Variants in UTRN observed in about 807,000 individuals in gnomAD.
The protein encoded by UTRN is dystrophin-related protein 1.
A neutral mutation model predicts 463.9 loss-of-function variants in UTRN; 283 were observed. That is an observed-to-expected ratio of 0.61 (90% CI 0.55 to 0.67). The LOEUF (loss-of-function observed/expected upper bound fraction) is 0.67. Among genes scored for constraint, UTRN ranks in the 30% least tolerant of loss-of-function variants. The pLI is 0.00. For synonymous variants in UTRN, 1,442 were observed against 1,431.5 expected (o/e 1.01, Z -0.17); for missense variants, 3,922 against 4,084.3 (o/e 0.96, Z 1.08).
chr6:144,385,525 A>G (rs977284157), intron 2 of UTRN, among the ~76,000 whole-genome samples: 3 of 152,222 alleles, frequency 2.0e-5, no homozygotes, highest in African/African-American at 7.2e-5. Flanking sequence ...TTTGATGCTT[A>G]AAAGACCAGC....
chr6:144,817,130 AGGCT>A (rs769130296), intron 65 of UTRN, among the ~76,000 whole-genome samples: 10 of 152,162 alleles, frequency 6.6e-5, no homozygotes, highest in Admixed American at 3.9e-4. Context: ...AGTCCATCAA[AGGCT>A]TAGTGTGAGT....
intron 51 of UTRN, among the ~76,000 whole-genome samples, chr6:144,668,659 G>C (rs1201804102): frequency 6.6e-6 from 1 of 152,138 alleles, no homozygotes; most frequent in Non-Finnish European, 1.5e-5. Flanking sequence ...GTCTTCACCT[G>C]ATGGCAAGGG....
At chr6:144,326,083 A>G (rs994723479) in intron 2 of UTRN, among the ~76,000 whole-genome samples, 1 of 152,216 alleles carries the variant, frequency 6.6e-6, no homozygotes, top group Non-Finnish European at 1.5e-5. Flanking sequence ...GAAACAGATA[A>G]CAGAGGAAAG....
intron 53 of UTRN, among the ~76,000 whole-genome samples, chr6:144,717,928 C>T (rs1786688700): frequency 6.6e-6 from 1 of 152,078 alleles, no homozygotes; most frequent in Non-Finnish European, 1.5e-5. Context: ...AGCCACTGTG[C>T]CCAGCCTGAG....
chr6:144,462,191 C>T (rs1044015464), intron 22 of UTRN, among the ~76,000 whole-genome samples: 7 of 151,950 alleles, frequency 4.6e-5, no homozygotes, highest in African/African-American at 9.7e-5. Context: ...ATTAGTTTGC[C>T]GAGGATAATG....
At chr6:144,549,931 C>T (rs1798754584) in intron 47 of UTRN, among the ~76,000 whole-genome samples, 1 of 152,192 alleles carries the variant, frequency 6.6e-6, no homozygotes, top group Non-Finnish European at 1.5e-5. Flanking sequence ...CATCTTCCTT[C>T]CCATTTCTTT....
In UTRN at chr6:144,610,879, A is replaced by AAAACC. The variant is rs150533802; in HGVS notation, c.7479+33610_7479+33614dup. Reference sequence around the variant, plus strand: ...GACAAGAGCAAGACTTTGTTTCAAAAAAACCAAACCAAACCAAACCAAAAC... The same window carrying AAAACC: ...GACAAGAGCAAGACTTTGTTTCAAAAAAACCAAACCAAACCAAACCAAACCAAAAC... On this transcript the variant is annotated intron_variant, in intron 51 of 74. Transcript: ENST00000367545. Among the ~76,000 whole-genome samples the AAAACC allele has an allele frequency of 2.5e-3, 386 of 152,338 alleles. 12 individuals are homozygous for AAAACC. In the East Asian group the frequency reaches 0.057, roughly 23 times the overall value.
rs574446362 is a variant in UTRN, at chr6:144,313,028, A to C, written c.79+21121A>C. ...AGTTGGTGGGTGATGGAGGGTGGGAAGGTGGCTCCGCTTCATATGGTCTCT... is the reference window on the plus strand; with the variant it reads ...AGTTGGTGGGTGATGGAGGGTGGGACGGTGGCTCCGCTTCATATGGTCTCT... On this transcript the variant is annotated intron_variant, in intron 2 of 74. Transcript: ENST00000367545. Among the ~76,000 whole-genome samples, 3 of 152,268 alleles carry C rather than the reference A, an allele frequency of 2.0e-5. No homozygotes were observed. In the East Asian group the frequency reaches 5.8e-4, roughly 29 times the overall value.
Position 144,774,275 on chromosome 6 carries a change from C to A in UTRN, c.8558-15C>A, listed in dbSNP as rs760540453. The stretch of plus-strand genomic sequence containing the variant: ...TAATAAGCCTATCTTCAAATTGTTT[C>A]TTTTTCTATTTCAGCTGACCTGAAT... On this transcript the variant is annotated splice_polypyrimidine_tract_variant and intron_variant, in intron 59 of 74. Transcript: ENST00000367545. The A allele has an allele frequency of 1.9e-6, 3 of 1,592,532 alleles. No homozygotes were observed. The highest frequency in any genetic ancestry group is 2.6e-6 in the Non-Finnish European group (3 of 1,173,236).
rs192174829 is a variant in UTRN at position 144,740,218 on chromosome 6, C to T, written c.7940-8028C>T. Among the ~76,000 whole-genome samples the T allele has an allele frequency of 1.3e-3, 199 of 152,248 alleles. 2 individuals carry two copies. The highest frequency in any genetic ancestry group is 3.9e-4 in the East Asian group (2 of 5,188). On this transcript the variant is annotated intron_variant, in intron 54 of 74. Coordinates refer to ENST00000367545, the MANE Select transcript of UTRN (RefSeq NM_007124.3). ...ATAGTGTACTATCTTAAACTACTTC[C>T]GTAATAATTAGTATTTGTAGCTATT...
chr6:144,820,758 A>G, intron 65 of UTRN, 124 bp from the exon 66 acceptor site: 1 of 1,208,154 alleles, frequency 8.3e-7, no homozygotes, highest in African/African-American at 1.5e-5. Flanking sequence ...TATTTCAAAA[A>G]TGCATAAAAC....
intron 54 of UTRN, among the ~76,000 whole-genome samples, chr6:144,736,889 T>G (rs1490843441): frequency 6.6e-6 from 1 of 152,206 alleles, no homozygotes; most frequent in Non-Finnish European, 1.5e-5. Context: ...CCCAGTTTTC[T>G]GCCTGTAGGT....
At chr6:144,574,860 G>A (rs536934238) in intron 50 of UTRN, among the ~76,000 whole-genome samples, 1 of 152,234 alleles carries the variant, frequency 6.6e-6, no homozygotes, top group East Asian at 1.9e-4. Flanking sequence ...GAGACTACAG[G>A]CATGAGCCAC....
chr6:144,728,218 G>T (rs1326522608), intron 53 of UTRN, among the ~76,000 whole-genome samples: 1 of 151,646 alleles, frequency 6.6e-6, no homozygotes, highest in African/African-American at 2.4e-5. Context: ...TTACCTGCTG[G>T]TTTTCACTAT....
chr6:144,663,496 A>C (rs1252516263), intron 51 of UTRN, among the ~76,000 whole-genome samples: 1 of 152,110 alleles, frequency 6.6e-6, no homozygotes, highest in Non-Finnish European at 1.5e-5. Flanking sequence ...AGCCATTTGC[A>C]TTGTGTACTG....
chr6:144,756,411 G>A (rs1016237085), intron 57 of UTRN, among the ~76,000 whole-genome samples: 1 of 152,100 alleles, frequency 6.6e-6, no homozygotes, highest in African/African-American at 2.4e-5. Flanking sequence ...CAAATACATG[G>A]CCTTGTATTA....
chr6:144,731,279 C>A (rs926341003), intron 54 of UTRN, among the ~76,000 whole-genome samples: 1 of 152,178 alleles, frequency 6.6e-6, no homozygotes, highest in South Asian at 2.1e-4. Flanking sequence ...AGCAATATAT[C>A]ACATAGTAAA....
At position 144,499,379 on chromosome 6, in the gene UTRN, T is replaced by A. The variant is rs747026074; in HGVS notation, c.4716T>A (p.Thr1572=). The A allele has an allele frequency of 1.2e-5, 20 of 1,612,182 alleles. No individual in the cohort carries two copies. In the Middle Eastern group the frequency reaches 8.2e-4, roughly 66 times the overall value. The change falls in exon 34 of 75, where the codon ACT becomes ACA. Residue 1572 remains threonine, a synonymous_variant. Transcript: ENST00000367545. ...AAACTGAATTGGTACAGAAGTCCAC[T>A]TCAGAAGGTCTGCTTGGTGACTTGG... ...ATETELVQKS[T]SEGLLGDLDT...
intron 58 of UTRN, among the ~76,000 whole-genome samples, chr6:144,765,879 G>T (rs906786643): frequency 9.3e-5 from 14 of 150,938 alleles, no homozygotes; most frequent in Non-Finnish European, 1.5e-4. Flanking sequence ...TTGAATTTTG[G>T]ACAGAATTTT....
Sources: allele counts gnomAD v4.1 joint callset (sites outside exome capture counted in the v4.1 genomes callset), GRCh38; gene constraint gnomAD v4.1.1; transcripts MANE v1.5; gene names NCBI Gene and HGNC (gene_info 2026-07-23, HGNC 2026-07-21).